Variants in DNAH11 observed in about 807,000 individuals in gnomAD.
DNAH11 encodes the protein dynein axonemal heavy chain 11.
DNAH11 carries 442 observed loss-of-function variants against 526.0 expected under a neutral mutation model. The ratio of observed to expected loss-of-function variants is 0.84; its 90% CI spans 0.78 to 0.91. The LOEUF is 0.91. Ranked by LOEUF, DNAH11 falls within the 40% of genes least tolerant of loss-of-function variation. DNAH11 has a pLI of 0.00. For missense variants in DNAH11, 6,989 were observed against 5,448.7 expected, an observed-to-expected ratio of 1.28 and a Z score of -8.90; for synonymous variants, 2,461 against 1,935.9, an observed-to-expected ratio of 1.27 and a Z score of -7.12.
intron 39 of DNAH11, among the ~76,000 whole-genome samples, chr7:21,705,877 G>A (rs764429800): frequency 2.6e-5 from 4 of 152,126 alleles, no homozygotes; most frequent in Non-Finnish European, 5.9e-5. Flanking sequence ...ATACATTTAT[G>A]CTTGGATTCT....
At chr7:21,863,338 G>C (rs1405424986) in intron 69 of DNAH11, among the ~76,000 whole-genome samples, 1 of 151,972 alleles carries the variant, frequency 6.6e-6, no homozygotes, top group Non-Finnish European at 1.5e-5. Flanking sequence ...TTGTTTTTTT[G>C]TTTGTTTTGA....
At position 21,599,883 on chromosome 7, in the gene DNAH11, G is replaced by A; in HGVS notation, c.2764G>A (p.Ala922Thr). 6.2e-7 allele frequency: 1 copy of A among 1,611,910 alleles called. No individual in the cohort carries two copies. The highest frequency in any genetic ancestry group is 8.5e-7 in the Non-Finnish European group (1 of 1,178,778). The change falls in exon 15 of 82, where the codon GCT (alanine) becomes ACT (threonine). Residue 922 changes from alanine to threonine, a missense_variant. Physicochemically the swap from Ala to Thr is moderately conservative, Grantham distance 58 (BLOSUM62 0). Coordinates refer to ENST00000409508, the MANE Select transcript of DNAH11 (RefSeq NM_001277115.2). Reference sequence around the variant, plus strand: ...CATTGTGGTGGAAGGCTTTTTTCAGGCTATAATGCACGACTTAGACTTCTT... The same window carrying A: ...CATTGTGGTGGAAGGCTTTTTTCAGACTATAATGCACGACTTAGACTTCTT... ...DDIVVEGFFQ[A>T]IMHDLDFFLK...
In DNAH11 at chr7:21,756,509, C is replaced by T. The variant is rs1244623085; in HGVS notation, c.8940+6145C>T. Among the ~76,000 whole-genome samples, 7 of 151,956 alleles carry T rather than the reference C, an allele frequency of 4.6e-5. No individual in the cohort carries two copies. The South Asian group carries it at 1.0e-3, about 23-fold the overall frequency. On this transcript the variant is annotated intron_variant, in intron 54 of 81. Coordinates refer to ENST00000409508, the MANE Select transcript of DNAH11 (RefSeq NM_001277115.2). ...TTCTACATTTACTTAGTTATTTGCA[C>T]CTTTAATTTCCTGGATTAACTATGA...
chr7:21,891,077 G>T (rs62445896), intron 76 of DNAH11, among the ~76,000 whole-genome samples: 20,447 of 152,160 alleles, frequency 0.13, 1,571 homozygotes, highest in East Asian at 0.33. Context: ...ACATGATTGT[G>T]TGGAAATTCA....
At chr7:21,742,491 T>G (rs373744267) in intron 49 of DNAH11, among the ~76,000 whole-genome samples, 1 of 152,116 alleles carries the variant, frequency 6.6e-6, no homozygotes, top group Non-Finnish European at 1.5e-5. Context: ...ATGAACTAAC[T>G]GAGTGAGAAT....
intron 74 of DNAH11, among the ~76,000 whole-genome samples, chr7:21,875,623 T>C (rs946353650): frequency 6.6e-6 from 1 of 152,152 alleles, no homozygotes; most frequent in African/African-American, 2.4e-5. Context: ...ATCACACCAC[T>C]GTGCTTCAGC....
intron 2 of DNAH11, among the ~76,000 whole-genome samples, chr7:21,554,058 G>A (rs1184440841): frequency 2.0e-5 from 3 of 151,822 alleles, no homozygotes; most frequent in Non-Finnish European, 2.9e-5. Context: ...TCCTCTTTTG[G>A]TTTTTGTTGA....
rs777296612 is a variant in DNAH11 at position 21,744,858 on chromosome 7, C to T, written c.8317-12C>T. The T allele has an allele frequency of 2.3e-5, 36 of 1,597,138 alleles. No homozygotes were observed. The South Asian group carries it at 4.1e-4, about 18-fold the overall frequency. On this transcript the variant is annotated splice_polypyrimidine_tract_variant and intron_variant, in intron 50 of 81. Coordinates refer to ENST00000409508, the MANE Select transcript of DNAH11 (RefSeq NM_001277115.2). ...GTTGACATGCCATATTTTTCTCTTTCTCATCCTGCAGGGTATAGATAGTCA... is the reference window on the plus strand; with the variant it reads ...GTTGACATGCCATATTTTTCTCTTTTTCATCCTGCAGGGTATAGATAGTCA...
At position 21,636,019 on chromosome 7, in the gene DNAH11, T is replaced by C. The variant is rs1253314291; in HGVS notation, c.4649T>C (p.Phe1550Ser). The C allele has an allele frequency of 6.2e-7, 1 of 1,613,788 alleles. No homozygotes were observed. Among genetic ancestry groups the C allele is most frequent in the Middle Eastern group, 1.6e-4 (1 of 6,062 alleles). Residue 1550 changes from phenylalanine (F) to serine (S), a missense_variant, in exon 26 of 82, where the codon TTT (phenylalanine) becomes TCT (serine). Phe to Ser is a radical substitution (Grantham distance 155). Coordinates refer to ENST00000409508, the MANE Select transcript of DNAH11 (RefSeq NM_001277115.2). Reference protein sequence around the residue: ...QRTWSHLESIFVCSEDIRIQL... With the variant: ...QRTWSHLESISVCSEDIRIQL... ...ACTTGGTCTCACCTGGAAAGCATTT[T>C]TGTCTGTTCAGAAGATATTCGAATC...
chr7:21,589,146 A>T, intron 11 of DNAH11, 62 bp from the exon 12 acceptor site: 2 of 1,296,884 alleles, frequency 1.5e-6, no homozygotes, highest in Non-Finnish European at 2.1e-6. Context: ...TTACTATACA[A>T]TTATTAAGCG....
At chr7:21,706,968 A>T (rs974155229) in intron 39 of DNAH11, among the ~76,000 whole-genome samples, 1 of 152,238 alleles carries the variant, frequency 6.6e-6, no homozygotes, top group Non-Finnish European at 1.5e-5. Context: ...CTTTTCCTCA[A>T]TTACCAGGAT....
chr7:21,811,495 A>T (rs1430969928), intron 63 of DNAH11, among the ~76,000 whole-genome samples: 1 of 152,066 alleles, frequency 6.6e-6, no homozygotes, highest in Non-Finnish European at 1.5e-5. Flanking sequence ...AATACTTCAA[A>T]CTTTACGAGG....
chr7:21,543,146 G>A lies in DNAH11; in HGVS notation c.-100G>A. ...GGTCTGCGCTCGCGGCGACCGCGGA[G>A]GAGGGTGGGCGCCTGCGGAGGTGTC... On this transcript the variant is annotated 5_prime_UTR_variant, in exon 1 of 82. Transcript: ENST00000409508. 1 of 1,435,028 alleles carries A rather than the reference G, an allele frequency of 7.0e-7. No individual in the cohort carries two copies. Among genetic ancestry groups the A allele is most frequent in the Non-Finnish European group, 9.1e-7 (1 of 1,101,516 alleles). 88.9% of individuals were successfully genotyped at this position (1,435,028 alleles called of 1,614,324 possible). A position where few individuals can be genotyped will look rare whatever the true frequency, so the allele number is the denominator to read the frequency against.
intron 61 of DNAH11, among the ~76,000 whole-genome samples, chr7:21,798,270 AT>A (rs1365532859): frequency 2.0e-5 from 3 of 152,058 alleles, no homozygotes; most frequent in Admixed American, 2.0e-4. Context: ...AATTTTTTGT[AT>A]TTTTAGTAGA....
At chr7:21,680,800 A>G (rs540697200) in intron 30 of DNAH11, among the ~76,000 whole-genome samples, 4 of 152,346 alleles carry the variant, frequency 2.6e-5, no homozygotes, top group South Asian at 2.1e-4. Context: ...AGTCATCACT[A>G]TCTTGTATTT....
At chr7:21,898,690 C>T in intron 79 of DNAH11, among the ~76,000 whole-genome samples, 1 of 152,342 alleles carries the variant, frequency 6.6e-6, no homozygotes, top group East Asian at 1.9e-4. Flanking sequence ...TATAGGTCAA[C>T]TGCAAATACT....
chr7:21,766,711 CAA>C (rs11288151), intron 55 of DNAH11, among the ~76,000 whole-genome samples: 210 of 137,844 alleles, frequency 1.5e-3, no homozygotes, highest in Middle Eastern at 3.7e-3. Flanking sequence ...TTTGCTTCTA[CAA>C]AAAAAAAAAA....
At chr7:21,691,056 A>T (rs547888415) in intron 35 of DNAH11, among the ~76,000 whole-genome samples, 175 bp downstream of exon 35, 1 of 152,300 alleles carries the variant, frequency 6.6e-6, no homozygotes, top group East Asian at 1.9e-4. Flanking sequence ...ACCCTTTTGA[A>T]TTATAAAACC....
chr7:21,783,505 C>T (rs758175668), intron 57 of DNAH11, among the ~76,000 whole-genome samples: 13 of 152,096 alleles, frequency 8.5e-5, no homozygotes, highest in African/African-American at 2.2e-4. Flanking sequence ...CCACGGGAAC[C>T]GTCTCCCATG....
Sources: gnomAD v4.1 joint callset for allele counts (sites outside exome capture counted in the v4.1 genomes callset) on GRCh38, gnomAD v4.1.1 for gene constraint, MANE v1.5 for transcripts, NCBI Gene and HGNC (gene_info 2026-07-23, HGNC 2026-07-21) for gene names.